The following SUPT6H variants were observed in gnomAD, a reference collection of about 807,000 sequenced individuals.
SUPT6H encodes SPT6 homolog, histone chaperone and transcription elongation factor, also known as transcription elongation factor SPT6.
Under a neutral mutation model 222.3 loss-of-function variants are expected in SUPT6H, and 11 were observed. That is an observed-to-expected ratio of 0.05 (90% CI 0.03 to 0.08). The LOEUF is 0.08. Among genes scored for constraint, SUPT6H ranks in the 10% least tolerant of loss-of-function variants. The pLI, the probability that SUPT6H is intolerant of heterozygous loss-of-function variation, is 1.00. For synonymous variants in SUPT6H, 762 were observed against 801.2 expected (o/e 0.95, Z 0.83); for missense variants, 1,422 against 2,216.0 (o/e 0.64, Z 7.19).
chr17:28,678,745 T>G, intron 10 of SUPT6H, 76 bp from the exon 11 acceptor site: 1 of 1,611,818 alleles, frequency 6.2e-7, no homozygotes, highest in Non-Finnish European at 8.5e-7. Context: ...CCCACTAGGT[T>G]TCTGGTAAGG....
Position 28,683,835 on chromosome 17 carries a change from G to GT in SUPT6H, c.2229+19_2229+20insT. 1 of 1,499,974 alleles carries GT rather than the reference G, an allele frequency of 6.7e-7. No individual in the cohort carries two copies. 92.9% of individuals were successfully genotyped at this position (1,499,974 alleles called of 1,614,324 possible). A position where few individuals can be genotyped will look rare whatever the true frequency, so the allele number is the denominator to read the frequency against. ...CATAAAGGTGAGGACAGAGACTCAT[G>GT]ATTTTTTTTTTTTTTTTGGTGACAG... On this transcript the variant is annotated intron_variant, in intron 17 of 36. Coordinates refer to ENST00000314616, the MANE Select transcript of SUPT6H (RefSeq NM_003170.5).
At chr17:28,681,448 A>C (rs368844574) in intron 12 of SUPT6H, 44 bp downstream of exon 12, 3 of 1,548,116 alleles carry the variant, frequency 1.9e-6, no homozygotes, top group Non-Finnish European at 2.6e-6. Flanking sequence ...ATGGCCATGC[A>C]TGATGGCTCA....
At chr17:28,673,266 G>A in intron 1 of SUPT6H, 105 bp from the exon 2 acceptor site, 1 of 640,162 alleles carries the variant, frequency 1.6e-6, no homozygotes, top group East Asian at 2.8e-5. Flanking sequence ...TGTTGAGTGG[G>A]CAGAGCAGTG....
At chr17:28,697,813 C>A in intron 31 of SUPT6H, 80 bp downstream of exon 31, 18 of 1,605,856 alleles carry the variant, frequency 1.1e-5, no homozygotes, top group Non-Finnish European at 1.3e-5. Context: ...AGGGGACACT[C>A]AGGCGGTGAA....
intron 19 of SUPT6H, among the ~76,000 whole-genome samples, chr17:28,686,130 G>A (rs2031365196): frequency 6.6e-6 from 1 of 152,184 alleles, no homozygotes; most frequent in Non-Finnish European, 1.5e-5. Context: ...TGGTACCACT[G>A]GAGCGCAGTT....
chr17:28,691,185 A>G (rs1286652155), intron 27 of SUPT6H, 122 bp downstream of exon 27: 1 of 1,318,398 alleles, frequency 7.6e-7, no homozygotes, highest in South Asian at 1.4e-5. Flanking sequence ...TACACAAAGA[A>G]GGAAGACGGA....
chr17:28,686,688 A>G lies in SUPT6H; in HGVS notation c.2599A>G (p.Ile867Val). The G allele has an allele frequency of 6.2e-7, 1 of 1,606,420 alleles. No homozygotes were observed. Among genetic ancestry groups the G allele is most frequent in the East Asian group, 2.2e-5 (1 of 44,826 alleles). Residue 867 changes from isoleucine (I) to valine (V), a missense_variant, in exon 21 of 37, where the codon ATT becomes GTT. This residue lies in a region of SUPT6H where 294 missense variants were observed against 382.1 expected (regional missense o/e 0.77). Transcript: ENST00000314616. ...GATGTTGATTGAAGATGTGAAGCGC[A>G]TTGTACATGAGCTGGACCAGGGCCA... ...AQMLIEDVKR[I>V]VHELDQGQQL... is the part of the protein sequence containing the mutation.
At chr17:28,667,401 G>GTA (rs1487315926) in intron 1 of SUPT6H, among the ~76,000 whole-genome samples, 3 of 20,032 alleles carry the variant, frequency 1.5e-4, no homozygotes, top group Non-Finnish European at 2.8e-4. Flanking sequence ...AAAAGTGTGT[G>GTA]TGTGTATATA....
chr17:28,682,034 AC>A, intron 13 of SUPT6H, 54 bp downstream of exon 13: 1 of 1,469,242 alleles, frequency 6.8e-7, no homozygotes, highest in Non-Finnish European at 9.3e-7. Context: ...AAGGGGAGTT[AC>A]CCAGAAAAAA....
intron 1 of SUPT6H, among the ~76,000 whole-genome samples, chr17:28,662,810 T>C (rs1467021063): frequency 6.6e-6 from 1 of 152,210 alleles, no homozygotes; most frequent in Non-Finnish European, 1.5e-5. Flanking sequence ...AATAGAACTT[T>C]TTGTAGATGG....
Position 28,701,659 on chromosome 17 carries a change from G to A in SUPT6H, c.*34G>A. ...CTCCTCGGACTCTGGTTACCTCTGA[G>A]GCTGGGAAAGGCCTGGCTGCCCACT... On this transcript the variant is annotated 3_prime_UTR_variant, in exon 37 of 37. Coordinates refer to ENST00000314616, the MANE Select transcript of SUPT6H (RefSeq NM_003170.5). 6.4e-7 allele frequency: 1 copy of A among 1,569,456 alleles called. No homozygotes were observed.
chr17:28,683,530 G>A, intron 16 of SUPT6H, 91 bp from the exon 17 acceptor site: 1 of 1,583,128 alleles, frequency 6.3e-7, no homozygotes, highest in Non-Finnish European at 8.6e-7. Context: ...AGTTGAGCAG[G>A]CTGTTGTCTC....
chr17:28,684,426 T>C (rs1383218108), intron 17 of SUPT6H, among the ~76,000 whole-genome samples, 160 bp from the exon 18 acceptor site: 3 of 152,182 alleles, frequency 2.0e-5, no homozygotes, highest in African/African-American at 7.2e-5. Context: ...AAGCAAGATA[T>C]GCCTTCAGGT....
chr17:28,686,754 T>C lies in SUPT6H; in HGVS notation c.2665T>C (p.Leu889=), dbSNP rs1376017611. 1.2e-6 allele frequency: 2 copies of C among 1,612,494 alleles called. No homozygotes were observed. The highest frequency in any genetic ancestry group is 2.7e-5 in the African/African-American group (2 of 74,910). Residue 889 remains leucine (L), a synonymous_variant, in exon 21 of 37, where the codon TTG becomes CTG. Coordinates refer to ENST00000314616, the MANE Select transcript of SUPT6H (RefSeq NM_003170.5). The stretch of plus-strand genomic sequence containing the variant: ...TGGGGTAGAGCTGGTTGACAACGAG[T>C]TGGCCATTCTCTATATGAACAGCAA... ...SIGVELVDNE[L]AILYMNSKKS...
At chr17:28,677,944 A>G in intron 8 of SUPT6H, 128 bp downstream of exon 8, 1 of 1,286,894 alleles carries the variant, frequency 7.8e-7, no homozygotes, top group South Asian at 1.3e-5. Context: ...TGTAGTCCCA[A>G]CAAGTGTGTG....
intron 32 of SUPT6H, among the ~76,000 whole-genome samples, chr17:28,699,074 A>G (rs1202250143): frequency 6.6e-6 from 1 of 152,194 alleles, no homozygotes; most frequent in Non-Finnish European, 1.5e-5. Context: ...GCCTAATAGA[A>G]ATGAGAACTG....
At chr17:28,673,243 C>T (rs776192670) in intron 1 of SUPT6H, 128 bp from the exon 2 acceptor site, 44 of 590,970 alleles carry the variant, frequency 7.4e-5, no homozygotes, top group Non-Finnish European at 1.2e-4. Context: ...CTTTTCTTCT[C>T]CCCAAGTGGG....
chr17:28,676,007 A>G (rs2030726041), intron 6 of SUPT6H, 150 bp from the exon 7 acceptor site: 1 of 894,412 alleles, frequency 1.1e-6, no homozygotes, highest in Non-Finnish European at 1.6e-6. Flanking sequence ...CCGCCAATGA[A>G]GCCTTTCGTC....
intron 11 of SUPT6H, among the ~76,000 whole-genome samples, chr17:28,680,257 G>T (rs1273489665): frequency 6.6e-6 from 1 of 151,084 alleles, no homozygotes; most frequent in African/African-American, 2.4e-5. Flanking sequence ...AATGAGCCGA[G>T]ATCGTGCCAT....
Sources: allele counts gnomAD v4.1 joint callset (sites outside exome capture counted in the v4.1 genomes callset), GRCh38; gene constraint gnomAD v4.1.1; regional missense constraint gnomAD v4.1.1; transcripts MANE v1.5; gene names NCBI Gene and HGNC (gene_info 2026-07-23, HGNC 2026-07-21).